PTPRD: variants seen among roughly 807,000 people sequenced by gnomAD.
The protein encoded by PTPRD is protein tyrosine phosphatase receptor type D.
PTPRD carries 34 observed loss-of-function variants against 214.5 expected under a neutral mutation model. That is an observed-to-expected ratio of 0.16 (90% CI 0.12 to 0.21). PTPRD has a LOEUF of 0.21. Among genes scored for constraint, PTPRD ranks in the 10% least tolerant of loss-of-function variants. PTPRD has a pLI of 1.00. For synonymous variants in PTPRD, 1,128 were observed against 845.7 expected (o/e 1.33, Z -5.79); for missense variants, 2,545 against 2,398.7 (o/e 1.06, Z -1.27).
At chr9:10,106,005 C>T (rs1368099396) in intron 3 of PTPRD, among the ~76,000 whole-genome samples, 2 of 92,146 alleles carry the variant, frequency 2.2e-5, no homozygotes, top group East Asian at 6.6e-4. Context: ...CCTGATCTAT[C>T]ACATATTCAA....
chr9:8,869,236 A>T (rs1357665309), intron 11 of PTPRD, among the ~76,000 whole-genome samples: 1 of 152,200 alleles, frequency 6.6e-6, no homozygotes, highest in East Asian at 1.9e-4. Context: ...TTTTGGCTTA[A>T]GGAATTCATT....
chr9:8,459,643 G>A (rs748602150), intron 33 of PTPRD, among the ~76,000 whole-genome samples: 2 of 152,004 alleles, frequency 1.3e-5, no homozygotes, highest in Admixed American at 1.3e-4. Context: ...AGATGTTAGA[G>A]GCAGAAATAA....
chr9:10,558,169 C>T (rs377571016), intron 2 of PTPRD, among the ~76,000 whole-genome samples: 1 of 151,960 alleles, frequency 6.6e-6, no homozygotes, highest in Non-Finnish European at 1.5e-5. Context: ...CTTAGTGCCC[C>T]AAAGAACAGA....
intron 2 of PTPRD, among the ~76,000 whole-genome samples, chr9:10,422,618 AAC>A (rs890074556): frequency 6.6e-6 from 1 of 152,078 alleles, no homozygotes; most frequent in African/African-American, 2.4e-5. Flanking sequence ...AAAAAAAACA[AAC>A]AACCCCATCA....
intron 2 of PTPRD, among the ~76,000 whole-genome samples, chr9:10,482,138 C>G (rs2208709): frequency 0.023 from 3,442 of 151,788 alleles, 62 homozygotes; most frequent in African/African-American, 0.036. Context: ...TTGGGAGGCC[C>G]AGGCGGGAGA....
At chr9:9,347,650 G>T (rs2049380628) in intron 9 of PTPRD, among the ~76,000 whole-genome samples, 1 of 152,090 alleles carries the variant, frequency 6.6e-6, no homozygotes, top group African/African-American at 2.4e-5. Context: ...ATGGCTATAA[G>T]TTAAATATAT....
At chr9:10,255,540 C>T (rs4740446) in intron 3 of PTPRD, among the ~76,000 whole-genome samples, 66,274 of 151,814 alleles carry the variant, frequency 0.44, 15,278 homozygotes, top group East Asian at 0.64. Flanking sequence ...GAGAGGTGCG[C>T]GAATATAAAG....
chr9:8,615,857 C>T (rs2095596220), intron 14 of PTPRD, among the ~76,000 whole-genome samples: 1 of 152,030 alleles, frequency 6.6e-6, no homozygotes, highest in African/African-American at 2.4e-5. Context: ...CATATATTTT[C>T]AACATGAAAT....
intron 11 of PTPRD, among the ~76,000 whole-genome samples, chr9:8,800,249 A>C (rs1313574384): frequency 6.6e-6 from 1 of 152,040 alleles, no homozygotes; most frequent in African/African-American, 2.4e-5. Context: ...TGTATATTTA[A>C]AAAACACGTG....
chr9:9,202,702 C>T (rs2132365207), intron 9 of PTPRD, among the ~76,000 whole-genome samples: 1 of 152,262 alleles, frequency 6.6e-6, no homozygotes, highest in Admixed American at 6.5e-5. Flanking sequence ...TATGTTCCTA[C>T]CAAATGATCT....
chr9:9,769,279 G>C (rs1283567522), intron 5 of PTPRD, among the ~76,000 whole-genome samples: 1 of 146,544 alleles, frequency 6.8e-6, no homozygotes, highest in Admixed American at 6.8e-5. Context: ...TTACAGGGTG[G>C]ACAAGATATT....
Position 10,269,958 on chromosome 9 carries a change from T to C in PTPRD, c.-545+71005A>G, listed in dbSNP as rs117882994. 4.5e-3 allele frequency among the ~76,000 whole-genome samples: 678 copies of C among 152,140 alleles called. 2 individuals are homozygous for C. Among genetic ancestry groups the C allele is most frequent in the Non-Finnish European group, 6.4e-3 (438 of 67,942 alleles). Reference sequence around the variant, plus strand: ...TATGACAGAAATTATAAGATTCAAATAGGGAAATACAGAATAAAATACTAA... The same window carrying C: ...TATGACAGAAATTATAAGATTCAAACAGGGAAATACAGAATAAAATACTAA... On this transcript the variant is annotated intron_variant, in intron 3 of 45. Coordinates refer to ENST00000381196, the MANE Select transcript of PTPRD (RefSeq NM_002839.4).
chr9:10,325,798 T>C (rs1442971368), intron 3 of PTPRD, among the ~76,000 whole-genome samples: 1 of 151,868 alleles, frequency 6.6e-6, no homozygotes, highest in African/African-American at 2.4e-5. Flanking sequence ...AAAGGAAGAA[T>C]TTTGCCTGGG....
At chr9:9,555,741 A>G (rs2081360597) in intron 8 of PTPRD, among the ~76,000 whole-genome samples, 1 of 152,158 alleles carries the variant, frequency 6.6e-6, no homozygotes, top group Non-Finnish European at 1.5e-5. Context: ...AAAACTACAA[A>G]AAACATTAGC....
At chr9:10,031,651 C>T (rs10958833) in intron 4 of PTPRD, among the ~76,000 whole-genome samples, 823 of 80,226 alleles carry the variant, frequency 0.01, 19 homozygotes, top group African/African-American at 0.051. Flanking sequence ...TATATATACA[C>T]ACACACACAC....
rs527795868 is a variant in PTPRD at position 9,713,594 on chromosome 9, G to A, written c.-287+20939C>T. ...GATTTTTGACATTTTGAGACATTATGCAAGAAGCAAAATTGAGCTGGTCCT... is the reference window on the plus strand; with the variant it reads ...GATTTTTGACATTTTGAGACATTATACAAGAAGCAAAATTGAGCTGGTCCT... On this transcript the variant is annotated intron_variant, in intron 7 of 45. Transcript: ENST00000381196. Among the ~76,000 whole-genome samples, 195 of 152,244 alleles carry A rather than the reference G, an allele frequency of 1.3e-3. 3 individuals are homozygous for A. Among genetic ancestry groups the A allele is most frequent in the Middle Eastern group, 3.4e-3 (1 of 294 alleles).
intron 4 of PTPRD, among the ~76,000 whole-genome samples, chr9:9,980,181 G>A (rs1183234696): frequency 1.3e-5 from 2 of 151,910 alleles, no homozygotes; most frequent in Non-Finnish European, 2.9e-5. Flanking sequence ...TAGCTATTTT[G>A]ATAAACAAAA....
chr9:8,859,660 C>A (rs1566675561), intron 11 of PTPRD, among the ~76,000 whole-genome samples: 3 of 152,102 alleles, frequency 2.0e-5, no homozygotes, highest in Admixed American at 6.6e-5. Flanking sequence ...TCAAGCTGCC[C>A]ATTTGTTTCC....
intron 2 of PTPRD, among the ~76,000 whole-genome samples, chr9:10,366,588 CAT>C (rs1451652159): frequency 6.6e-6 from 1 of 152,270 alleles, no homozygotes; most frequent in East Asian, 1.9e-4. Flanking sequence ...AGACTCACAA[CAT>C]AAAATTGTCA....
Sources: gnomAD v4.1 joint callset for allele counts (sites outside exome capture counted in the v4.1 genomes callset) on GRCh38, gnomAD v4.1.1 for gene constraint, MANE v1.5 for transcripts, NCBI Gene and HGNC (gene_info 2026-07-23, HGNC 2026-07-21) for gene names.